Variants in ADAMTS7 observed in about 807,000 individuals in gnomAD.
ADAMTS7 encodes ADAM metallopeptidase with thrombospondin type 1 motif 7, also known as A disintegrin and metalloproteinase with thrombospondin motifs 7.
Under a neutral mutation model 172.6 loss-of-function variants are expected in ADAMTS7, and 89 were observed. That is an observed-to-expected ratio of 0.52 (90% CI 0.43 to 0.61). The LOEUF (loss-of-function observed/expected upper bound fraction) is 0.61, where lower values mean the gene tolerates loss of function less well. Among genes scored for constraint, ADAMTS7 ranks in the 20% least tolerant of loss-of-function variants. The pLI is 0.00. For synonymous variants in ADAMTS7, 885 were observed against 978.4 expected (o/e 0.90, Z 1.78); for missense variants, 1,973 against 2,355.6 (o/e 0.84, Z 3.36).
chr15:78,794,590 T>G lies in ADAMTS7; in HGVS notation c.819+2000A>C, dbSNP rs190373074. Among the ~76,000 whole-genome samples the G allele has an allele frequency of 1.8e-3, 272 of 152,314 alleles. 1 individual carries two copies. The highest frequency in any genetic ancestry group is 6.3e-3 in the African/African-American group (260 of 41,572). On this transcript the variant is annotated intron_variant, in intron 4 of 23. Coordinates refer to ENST00000388820, the MANE Select transcript of ADAMTS7 (RefSeq NM_014272.5). ...CCGAGGATGGGGCTCACCAAGTGAATGGGTAGGTCCTATGAGCCAGGGCAA... is the reference window on the plus strand; with the variant it reads ...CCGAGGATGGGGCTCACCAAGTGAAGGGGTAGGTCCTATGAGCCAGGGCAA...
At position 78,766,199 on chromosome 15, in the gene ADAMTS7, A is replaced by G. The variant is rs139364869; in HGVS notation, c.3712T>C (p.Ser1238Pro). 9,338 of 1,610,338 alleles carry G rather than the reference A, an allele frequency of 5.8e-3. 128 individuals are homozygous for G. Among genetic ancestry groups the G allele is most frequent in the East Asian group, 0.044 (1,964 of 44,804 alleles). ...ACAGGGGACAAAGGGGGCAGCGTGG[A>G]GCTGGGTCTCGGGGGCAGGTGGGGT... ...GAPHLPPRPSSTLPPLSPVGS... is the reference protein window; with the variant it reads ...GAPHLPPRPSPTLPPLSPVGS... Residue 1238 changes from serine (S) to proline (P), a missense_variant, in exon 19 of 24, where the codon TCC (serine) becomes CCC (proline). Ser to Pro is a moderately conservative substitution (Grantham distance 74). Transcript: ENST00000388820.
At chr15:78,760,337 C>T (rs1281404288) in intron 23 of ADAMTS7, among the ~76,000 whole-genome samples, 1 of 152,198 alleles carries the variant, frequency 6.6e-6, no homozygotes, top group Non-Finnish European at 1.5e-5. Context: ...ATGCCACTGC[C>T]ACTGCTGACA....
chr15:78,796,540 C>G (rs1378859121), intron 4 of ADAMTS7, 50 bp downstream of exon 4: 2 of 1,566,072 alleles, frequency 1.3e-6, no homozygotes, highest in Admixed American at 3.5e-5. Flanking sequence ...CTTTGCACCC[C>G]ACCCCCCAAC....
intron 9 of ADAMTS7, chr15:78,777,123 T>G (rs2055359010): frequency 1.6e-5 from 9 of 564,452 alleles, no homozygotes; most frequent in Non-Finnish European, 1.9e-5. Flanking sequence ...GAAGATCACT[T>G]CAGGCGATCT....
At chr15:78,779,490 G>A (rs774576897) in intron 8 of ADAMTS7, among the ~76,000 whole-genome samples, 11 of 152,144 alleles carry the variant, frequency 7.2e-5, no homozygotes, top group Admixed American at 1.3e-4. Context: ...ATTCAACTGC[G>A]AGCCTGGCCT....
intron 10 of ADAMTS7, 25 bp from the exon 11 acceptor site, chr15:78,776,358 CCACCCCACCCCCA>C (rs761751377): frequency 6.2e-7 from 1 of 1,601,406 alleles, no homozygotes; most frequent in East Asian, 2.2e-5. Context: ...GGAGGTAGAG[CCACCCCACCCCCA>C]AGTCTATCAG....
chr15:78,771,116 G>T lies in ADAMTS7; in HGVS notation c.2518+46C>A. 1 of 1,544,966 alleles carries T rather than the reference G, an allele frequency of 6.5e-7. No homozygotes were observed. The highest frequency in any genetic ancestry group is 1.4e-5 in the African/African-American group (1 of 73,174). On this transcript the variant is annotated intron_variant, in intron 16 of 23. Coordinates refer to ENST00000388820, the MANE Select transcript of ADAMTS7 (RefSeq NM_014272.5). This position sits in a 1 kb window ranked among gnomAD's most constrained non-coding sequence, Gnocchi z 4.9. ...GAGCTGAAGCCAGTGTCCCTGTCCA[G>T]ACACTAAGCCCCTGCAGGTGGGGCT...
chr15:78,772,127 A>G (rs944365981), intron 14 of ADAMTS7, among the ~76,000 whole-genome samples: 7 of 152,056 alleles, frequency 4.6e-5, no homozygotes, highest in African/African-American at 1.7e-4. Context: ...TTCTAAAAAA[A>G]CCAAAGTGCC....
At chr15:78,806,211 G>T (rs139473128) in intron 1 of ADAMTS7, among the ~76,000 whole-genome samples, 32 of 148,332 alleles carry the variant, frequency 2.2e-4, no homozygotes, top group African/African-American at 7.7e-4. Context: ...TGCTGACAAG[G>T]TCCAAGCAAG....
At chr15:78,770,503 G>C (rs1300142885) in intron 16 of ADAMTS7, 2 of 94,170 alleles carry the variant, frequency 2.1e-5, no homozygotes, top group African/African-American at 8.3e-5. Context: ...TGGTGGGGGG[G>C]ACTAGGGGGC....
intron 4 of ADAMTS7, among the ~76,000 whole-genome samples, 155 bp downstream of exon 4, chr15:78,796,435 T>C (rs537755260): frequency 1.3e-5 from 2 of 152,090 alleles, no homozygotes; most frequent in South Asian, 2.1e-4. Context: ...CCCCACCCCT[T>C]CCTGGCCTCA....
At chr15:78,770,786 T>G in intron 16 of ADAMTS7, 1 of 189,954 alleles carries the variant, frequency 5.3e-6, no homozygotes, top group Admixed American at 5.4e-5. Context: ...AGAGGGAAAT[T>G]TGGGGAGGAA....
chr15:78,767,472 G>A lies in ADAMTS7; in HGVS notation c.2766C>T (p.Pro922=), dbSNP rs374678653. Residue 922 remains proline, a synonymous_variant, in exon 18 of 24, where the codon CCC becomes CCT. Coordinates refer to ENST00000388820, the MANE Select transcript of ADAMTS7 (RefSeq NM_014272.5). ...GGGGCCGGGGAAGGTGTTCACAGGC[G>A]GGTGGCTCCAGGGCGCTCTGCTCAT... ...GLDEQSALEP[P]ACEHLPRPPT... 13 of 1,611,450 alleles carry A rather than the reference G, an allele frequency of 8.1e-6. No homozygotes were observed. Among genetic ancestry groups the A allele is most frequent in the East Asian group, 6.7e-5 (3 of 44,872 alleles).
chr15:78,810,548 G>A (rs2055851838), intron 1 of ADAMTS7: 1 of 152,350 alleles, frequency 6.6e-6, no homozygotes, highest in African/African-American at 2.4e-5. Context: ...TTCACACTTG[G>A]GGAAGGGAGA....
At chr15:78,762,352 C>T in intron 23 of ADAMTS7, 51 bp downstream of exon 23, 1 of 1,351,038 alleles carries the variant, frequency 7.4e-7, no homozygotes, top group South Asian at 1.8e-5. Flanking sequence ...TCCCCATCAC[C>T]CTCCCCACCC....
chr15:78,771,387 G>C lies in ADAMTS7; in HGVS notation c.2377-84C>G. The C allele has an allele frequency of 1.3e-6, 2 of 1,597,272 alleles. No homozygotes were observed. The highest frequency in any genetic ancestry group is 8.5e-7 in the Non-Finnish European group (1 of 1,170,756). ...AAAGGAGCTGACCCCAGCCACCTCT[G>C]TGAACTGCAGCTACAAGATTGGGCC... On this transcript the variant is annotated intron_variant, in intron 15 of 23. Coordinates refer to ENST00000388820, the MANE Select transcript of ADAMTS7 (RefSeq NM_014272.5). This position sits in a 1 kb window ranked among gnomAD's most constrained non-coding sequence, Gnocchi z 4.9.
chr15:78,806,960 T>G (rs1293088466), intron 1 of ADAMTS7, among the ~76,000 whole-genome samples: 1 of 152,112 alleles, frequency 6.6e-6, no homozygotes, highest in African/African-American at 2.4e-5. Context: ...AGAGGTAGAG[T>G]TTCGCCATGT....
chr15:78,798,021 C>T lies in ADAMTS7; in HGVS notation c.549G>A (p.Val183=), dbSNP rs1311885927. The part of the protein sequence containing the change: ...ARPGHAQPHV[V]YKRQAPERLA... ...GCCTCTCCGGGGCCTGACGCTTGTA[C>T]ACCACATGGGGCTGGGCGTGGCCAG... Residue 183 remains valine (V), a synonymous_variant, in exon 3 of 24, where the codon GTG becomes GTA. Transcript: ENST00000388820. 1.3e-6 allele frequency: 2 copies of T among 1,581,076 alleles called. No homozygotes were observed. The highest frequency in any genetic ancestry group is 1.7e-6 in the Non-Finnish European group (2 of 1,167,918).
At position 78,811,374 on chromosome 15, in the gene ADAMTS7, C is replaced by G. The variant is rs1433400987; in HGVS notation, c.-154G>C. 1.1e-6 allele frequency: 1 copy of G among 952,194 alleles called. No individual in the cohort carries two copies. Among genetic ancestry groups the G allele is most frequent in the Non-Finnish European group, 1.4e-6 (1 of 738,280 alleles). The allele number at this position is 952,194 out of a possible 1,614,324, so 59.0% of individuals were successfully genotyped here. A position where few individuals can be genotyped will look rare whatever the true frequency, so the allele number is the denominator to read the frequency against. On this transcript the variant is annotated 5_prime_UTR_variant, in exon 1 of 24. Transcript: ENST00000388820. ...CGACTCCGTTCGGCTGCGCTCGGTCCGCGGGCAACAAAGGCTGCAGGGCCC... is the reference window on the plus strand; with the variant it reads ...CGACTCCGTTCGGCTGCGCTCGGTCGGCGGGCAACAAAGGCTGCAGGGCCC...
Sources: gnomAD v4.1 joint callset for allele counts (sites outside exome capture counted in the v4.1 genomes callset) on GRCh38, gnomAD v4.1.1 for gene constraint, Gnocchi (gnomAD v3.1) non-coding constraint, MANE v1.5 for transcripts, NCBI Gene and HGNC (gene_info 2026-07-23, HGNC 2026-07-21) for gene names.